The following SCP2 variants were observed in gnomAD, a reference collection of about 807,000 sequenced individuals.
SCP2 encodes the protein SCP-2/3-oxoacyl-CoA thiolase.
In SCP2, 48 loss-of-function variants were observed where a neutral mutation model predicts 71.4. That is an observed-to-expected ratio of 0.67 (90% CI 0.53 to 0.86). The LOEUF is 0.86. SCP2 is among the 40% of genes least tolerant of loss of function. SCP2 has a pLI of 0.00. For missense variants in SCP2, 560 were observed against 655.6 expected, an observed-to-expected ratio of 0.85 and a Z score of 1.59; for synonymous variants, 220 against 218.1, an observed-to-expected ratio of 1.01 and a Z score of -0.08.
intron 9 of SCP2, among the ~76,000 whole-genome samples, chr1:52,979,714 A>C (rs1658308953): frequency 6.6e-6 from 1 of 152,206 alleles, no homozygotes; most frequent in African/African-American, 2.4e-5. Context: ...GTAGTTTGAC[A>C]GAAGTTTTGT....
chr1:52,988,758 T>C (rs1352994286), intron 11 of SCP2, among the ~76,000 whole-genome samples: 2 of 151,452 alleles, frequency 1.3e-5, no homozygotes, highest in African/African-American at 4.9e-5. Flanking sequence ...CAATTTCGGC[T>C]CATTGCAGCC....
intron 11 of SCP2, among the ~76,000 whole-genome samples, chr1:53,012,743 G>C (rs1003747773): frequency 1.3e-5 from 2 of 152,178 alleles, no homozygotes; most frequent in Admixed American, 1.3e-4. Context: ...GACCAGTTCT[G>C]TATAGAGGTG....
At chr1:52,987,728 T>C (rs888955524) in intron 10 of SCP2, among the ~76,000 whole-genome samples, 1 of 152,224 alleles carries the variant, frequency 6.6e-6, no homozygotes, top group African/African-American at 2.4e-5. Flanking sequence ...ATTTTAGTTA[T>C]AGCATTATAT....
intron 8 of SCP2, among the ~76,000 whole-genome samples, chr1:52,977,626 C>A (rs1287038426): frequency 6.6e-6 from 1 of 152,164 alleles, no homozygotes; most frequent in Non-Finnish European, 1.5e-5. Context: ...CAGAAGATGC[C>A]TTATGCATCT....
chr1:53,040,494 G>A (rs920098837), intron 14 of SCP2, among the ~76,000 whole-genome samples: 18 of 152,176 alleles, frequency 1.2e-4, no homozygotes, highest in Non-Finnish European at 2.1e-4. Flanking sequence ...CACCTTCTCA[G>A]TGAGCCACTC....
chr1:52,957,374 T>C (rs1303803416), intron 5 of SCP2, among the ~76,000 whole-genome samples: 1 of 152,248 alleles, frequency 6.6e-6, no homozygotes, highest in Non-Finnish European at 1.5e-5. Context: ...AAAAAACCTT[T>C]GTAAATTTAC....
intron 10 of SCP2, among the ~76,000 whole-genome samples, chr1:52,981,712 A>G (rs1024561496): frequency 6.6e-6 from 1 of 151,640 alleles, no homozygotes; most frequent in Non-Finnish European, 1.5e-5. Context: ...GGTTGCAAGC[A>G]TGAGCCACCT....
intron 13 of SCP2, among the ~76,000 whole-genome samples, chr1:53,030,193 C>T (rs1448259732): frequency 6.6e-6 from 1 of 152,102 alleles, no homozygotes; most frequent in African/African-American, 2.4e-5. Flanking sequence ...CGGCCGTTTA[C>T]CCTCATTTTT....
chr1:53,008,985 AACAG>A (rs1660812922), intron 11 of SCP2, among the ~76,000 whole-genome samples: 2 of 152,298 alleles, frequency 1.3e-5, no homozygotes, highest in South Asian at 2.1e-4. Context: ...ATACACCAAT[AACAG>A]ACAAACAGCC....
At chr1:52,967,681 CA>C (rs1440709186) in intron 6 of SCP2, among the ~76,000 whole-genome samples, 3 of 152,082 alleles carry the variant, frequency 2.0e-5, no homozygotes, top group African/African-American at 7.2e-5. Flanking sequence ...AAGAAGGGGT[CA>C]GGGGGCTCCT....
At chr1:52,979,297 G>A (rs755336607) in intron 9 of SCP2, among the ~76,000 whole-genome samples, 1 of 151,736 alleles carries the variant, frequency 6.6e-6, no homozygotes, top group African/African-American at 2.4e-5. Flanking sequence ...TCAGCCTCTC[G>A]AGAAAGTGGG....
intron 12 of SCP2, among the ~76,000 whole-genome samples, chr1:53,019,149 G>A (rs951133020): frequency 1.3e-5 from 2 of 152,162 alleles, no homozygotes; most frequent in African/African-American, 4.8e-5. Flanking sequence ...CCATATTGGT[G>A]TTGTTAGCTT....
At chr1:52,952,656 T>C (rs1655420299) in intron 4 of SCP2, among the ~76,000 whole-genome samples, 1 of 151,972 alleles carries the variant, frequency 6.6e-6, no homozygotes, top group Non-Finnish European at 1.5e-5. Flanking sequence ...AATCCTAGCT[T>C]CTTGGGAGGC....
At chr1:52,943,744 G>A (rs1286260774) in intron 2 of SCP2, 5 of 462,556 alleles carry the variant, frequency 1.1e-5, no homozygotes, top group African/African-American at 4.0e-5. Flanking sequence ...AGGGAGGTTT[G>A]CGAATCAGTT....
At chr1:52,994,763 G>A (rs1419853704) in intron 11 of SCP2, 2 of 623,056 alleles carry the variant, frequency 3.2e-6, no homozygotes, top group Admixed American at 4.8e-5. Context: ...TGTCAGTGTG[G>A]CAACCGGATG....
chr1:53,007,877 G>A (rs150838920), intron 11 of SCP2, among the ~76,000 whole-genome samples: 2,750 of 152,012 alleles, frequency 0.018, 90 homozygotes, highest in African/African-American at 0.063. Flanking sequence ...TTGATAGACC[G>A]CTAGCAAGAC....
At position 53,037,911 on chromosome 1, in the gene SCP2, CACACACACACACACACACAGAT is replaced by C. The variant is rs1368951928; in HGVS notation, c.1339-1005_1339-984del. Reference sequence around the variant, plus strand: ...ACACACACACACACACACACACACACACACACACACACACACACAGATCCAGATCCTGTCTCTATACACACAC... The same window carrying C: ...ACACACACACACACACACACACACACCCAGATCCTGTCTCTATACACACAC... On this transcript the variant is annotated intron_variant, in intron 13 of 15. Transcript: ENST00000371514. 3.2e-4 allele frequency among the ~76,000 whole-genome samples: 41 copies of C among 127,156 alleles called. No homozygotes were observed. In the East Asian group the frequency reaches 0.012, roughly 38 times the overall value. The allele number at this position is 127,156 out of a possible 152,430, so 83.4% of individuals were successfully genotyped here.
intron 1 of SCP2, among the ~76,000 whole-genome samples, chr1:52,939,210 G>T (rs150998928): frequency 1.1e-3 from 162 of 152,258 alleles, no homozygotes; most frequent in African/African-American, 3.8e-3. Flanking sequence ...AGGACATCTT[G>T]ATTGCTTCCA....
At chr1:52,994,292 ACAG>A in intron 11 of SCP2, 1 of 997,912 alleles carries the variant, frequency 1.0e-6, no homozygotes, top group Non-Finnish European at 1.2e-6. Context: ...CTCCTTTCAG[ACAG>A]CTTCCTTACG....
Sources: allele counts gnomAD v4.1 joint callset (sites outside exome capture counted in the v4.1 genomes callset), GRCh38; gene constraint gnomAD v4.1.1; transcripts MANE v1.5; gene names NCBI Gene and HGNC (gene_info 2026-07-23, HGNC 2026-07-21).